The following NUSAP1 variants were observed in gnomAD, a reference collection of about 807,000 sequenced individuals.
NUSAP1 encodes nucleolar and spindle-associated protein 1.
NUSAP1 carries 32 observed loss-of-function variants against 52.8 expected under a neutral mutation model. The observed-to-expected ratio is 0.61, with a 90% CI of 0.46 to 0.81. The LOEUF (loss-of-function observed/expected upper bound fraction) is 0.81. Ranked by LOEUF, NUSAP1 falls within the 40% of genes least tolerant of loss-of-function variation. The probability of loss-of-function intolerance (pLI) is 0.00; values close to 1 mark genes in which losing one functional copy is unlikely to be tolerated. For synonymous variants in NUSAP1, 195 were observed against 183.1 expected (o/e 1.06, Z -0.52); for missense variants, 499 against 522.3 (o/e 0.96, Z 0.43).
rs57501156 is a variant in NUSAP1 at position 41,368,728 on chromosome 15, C to CTTTTTTTTTTTTTTTTTTTTTTTTTTTT, written c.849-2775_849-2774insTTTTTTTTTTTTTTTTTTTTTTTTTTTT. Among the ~76,000 whole-genome samples, 3 of 77,942 alleles carry CTTTTTTTTTTTTTTTTTTTTTTTTTTTT rather than the reference C, an allele frequency of 3.8e-5. 1 individual carries two copies. The highest frequency in any genetic ancestry group is 1.7e-4 in the Admixed American group (1 of 5,776). The allele number at this position is 77,942 out of a possible 152,430, so 51.1% of individuals were successfully genotyped here. ...ACATAATTGTATTTTTTATTTTATT[C>CTTTTTTTTTTTTTTTTTTTTTTTTTTTT]TTTTTTTTTTTTTTTTTTTTTTTTG... On this transcript the variant is annotated intron_variant, in intron 7 of 10. Coordinates refer to ENST00000559596, the MANE Select transcript of NUSAP1 (RefSeq NM_016359.5).
chr15:41,350,950 TATC>T (rs1567050221), intron 3 of NUSAP1, 35 bp from the exon 4 acceptor site: 1 of 1,550,952 alleles, frequency 6.4e-7, no homozygotes, highest in African/African-American at 1.4e-5. Context: ...AATTCTTATT[TATC>T]ATCGAAATCT....
At chr15:41,359,761 T>G (rs1037500791) in intron 6 of NUSAP1, among the ~76,000 whole-genome samples, 1 of 151,992 alleles carries the variant, frequency 6.6e-6, no homozygotes. Flanking sequence ...GCCTCCCCAG[T>G]AGCTGAGATT....
chr15:41,350,657 A>G (rs370361776), intron 3 of NUSAP1, among the ~76,000 whole-genome samples: 81 of 152,180 alleles, frequency 5.3e-4, no homozygotes, highest in African/African-American at 1.9e-3. Context: ...CTTTTCTTGG[A>G]GTGAATAAAT....
intron 2 of NUSAP1, among the ~76,000 whole-genome samples, chr15:41,347,619 T>C (rs1049879178): frequency 8.6e-5 from 13 of 151,278 alleles, no homozygotes; most frequent in African/African-American, 3.2e-4. Context: ...ATCGAGACCA[T>C]CCTGGCTAAC....
chr15:41,377,438 G>T (rs929300473), intron 10 of NUSAP1, 134 bp downstream of exon 10: 10 of 488,192 alleles, frequency 2.0e-5, no homozygotes, highest in Admixed American at 4.4e-5. Flanking sequence ...GGTGGCTCAC[G>T]CCTGTAATCC....
intron 4 of NUSAP1, among the ~76,000 whole-genome samples, chr15:41,354,449 G>A (rs1567053620): frequency 6.6e-6 from 1 of 152,052 alleles, no homozygotes; most frequent in Non-Finnish European, 1.5e-5. Flanking sequence ...AGGTTGCAGT[G>A]AGCCAAGATC....
intron 5 of NUSAP1, 114 bp downstream of exon 5, chr15:41,356,254 C>T (rs564236318): frequency 5.8e-6 from 4 of 690,116 alleles, no homozygotes; most frequent in South Asian, 3.2e-5. Flanking sequence ...CTAGTTCTCT[C>T]GTCTTTTAGG....
chr15:41,336,648 G>GTGTTTTTT (rs1555426223), intron 1 of NUSAP1, among the ~76,000 whole-genome samples: 4 of 91,370 alleles, frequency 4.4e-5, no homozygotes, highest in African/African-American at 1.2e-4. Flanking sequence ...CCTCCTTTTG[G>GTGTTTTTT]TTTTTTTTTT....
At chr15:41,360,855 T>C (rs934215122) in intron 6 of NUSAP1, among the ~76,000 whole-genome samples, 3 of 144,194 alleles carry the variant, frequency 2.1e-5, no homozygotes, top group African/African-American at 7.7e-5. Flanking sequence ...AGTGCAGTGG[T>C]GCGATCTTGG....
At chr15:41,358,808 T>A (rs1567058656) in intron 6 of NUSAP1, among the ~76,000 whole-genome samples, 1 of 152,246 alleles carries the variant, frequency 6.6e-6, no homozygotes, top group African/African-American at 2.4e-5. Context: ...ACTTTCCATA[T>A]TCAGATGTTT....
chr15:41,345,137 C>CTA, intron 2 of NUSAP1, among the ~76,000 whole-genome samples: 1 of 151,934 alleles, frequency 6.6e-6, no homozygotes, highest in Non-Finnish European at 1.5e-5. Context: ...GTAGCTGGGA[C>CTA]TACAGCCTTG....
chr15:41,371,774 G>C, intron 8 of NUSAP1, 90 bp downstream of exon 8: 1 of 1,440,422 alleles, frequency 6.9e-7, no homozygotes, highest in Non-Finnish European at 9.3e-7. Flanking sequence ...TTTTTTGTTT[G>C]TTTGTTTTTT....
intron 7 of NUSAP1, among the ~76,000 whole-genome samples, chr15:41,369,623 G>A (rs2049578396): frequency 6.6e-6 from 1 of 151,416 alleles, no homozygotes; most frequent in South Asian, 2.1e-4. Flanking sequence ...ACTCCAGCCT[G>A]GGCAACAAGA....
At chr15:41,342,788 A>G (rs1421083869) in intron 2 of NUSAP1, among the ~76,000 whole-genome samples, 1 of 152,134 alleles carries the variant, frequency 6.6e-6, no homozygotes, top group Non-Finnish European at 1.5e-5. Flanking sequence ...GCAGTGAGCC[A>G]GGATCGCGCC....
At chr15:41,369,229 A>AT (rs897591476) in intron 7 of NUSAP1, among the ~76,000 whole-genome samples, 56 of 150,556 alleles carry the variant, frequency 3.7e-4, no homozygotes, top group Admixed American at 6.0e-4. Flanking sequence ...TTTTAATCAG[A>AT]TTTTTTTTTT....
chr15:41,365,129 G>C (rs1472990421), intron 6 of NUSAP1, among the ~76,000 whole-genome samples: 2 of 152,112 alleles, frequency 1.3e-5, no homozygotes, highest in African/African-American at 4.8e-5. Flanking sequence ...CTTTGCCTAG[G>C]AGACAATACT....
At chr15:41,375,911 C>G in intron 9 of NUSAP1, 83 bp downstream of exon 9, 1 of 911,520 alleles carries the variant, frequency 1.1e-6, no homozygotes, top group South Asian at 1.4e-5. Context: ...ACTAAACATA[C>G]AAAAATTAGC....
At chr15:41,366,424 C>G (rs544787149) in intron 7 of NUSAP1, among the ~76,000 whole-genome samples, 4 of 152,020 alleles carry the variant, frequency 2.6e-5, no homozygotes, top group Admixed American at 2.6e-4. Context: ...GCTGGGACTA[C>G]AGGCACGTAC....
intron 6 of NUSAP1, 33 bp from the exon 7 acceptor site, chr15:41,365,369 C>T: frequency 6.4e-7 from 1 of 1,558,498 alleles, no homozygotes; most frequent in Non-Finnish European, 8.7e-7. Flanking sequence ...GTTGGAGAGG[C>T]CAAGCTTTTA....
Sources: allele counts gnomAD v4.1 joint callset (sites outside exome capture counted in the v4.1 genomes callset), GRCh38; gene constraint gnomAD v4.1.1; transcripts MANE v1.5; gene names NCBI Gene and HGNC (gene_info 2026-07-23, HGNC 2026-07-21).